NTMT1: variants seen among roughly 807,000 people sequenced by gnomAD.
NTMT1 encodes the protein N-terminal Xaa-Pro-Lys N-methyltransferase 1, also known as N-terminal RCC1 methyltransferase.
In NTMT1, 8 loss-of-function variants were observed where a neutral mutation model predicts 17.5. The observed-to-expected ratio is 0.46, with a 90% confidence interval of 0.27 to 0.82. The LOEUF (loss-of-function observed/expected upper bound fraction) is 0.82. Among genes scored for constraint, NTMT1 ranks in the 40% least tolerant of loss-of-function variants. The pLI is 0.15. For synonymous variants in NTMT1, 128 were observed against 126.8 expected, an observed-to-expected ratio of 1.01 and a Z score of -0.06; for missense variants, 221 against 303.5, an observed-to-expected ratio of 0.73 and a Z score of 2.02.
intron 1 of NTMT1, among the ~76,000 whole-genome samples, chr9:129,630,676 G>A (rs1831115933): frequency 6.6e-6 from 1 of 152,202 alleles, no homozygotes; most frequent in Middle Eastern, 3.2e-3. Context: ...TCAGGCAGAC[G>A]GTCTTGGACC....
At chr9:129,635,170 G>C in intron 3 of NTMT1, 38 bp from the exon 4 acceptor site, 1 of 1,586,880 alleles carries the variant, frequency 6.3e-7, no homozygotes, top group Non-Finnish European at 8.5e-7. Flanking sequence ...ACATCCGCTT[G>C]CATGGTGCCC....
At chr9:129,631,858 TCTC>T (rs759994923) in intron 1 of NTMT1, among the ~76,000 whole-genome samples, 1 of 152,150 alleles carries the variant, frequency 6.6e-6, no homozygotes, top group Admixed American at 6.5e-5. Flanking sequence ...CACTGGCGCT[TCTC>T]CTCTGCAGCC....
rs887754435 is a variant in NTMT1, at chr9:129,619,942, G to T, written c.-55+10764G>T. On this transcript the variant is annotated intron_variant, in intron 1 of 3. Transcript: ENST00000372486. ...CTCAAGGACGGGTTGCGAGGGCTCT[G>T]AGATACTCAGCTAACATTAGCATCC... 1.1e-5 allele frequency: 16 copies of T among 1,492,296 alleles called. No homozygotes were observed. The South Asian group carries it at 1.8e-4, about 16-fold the overall frequency. 92.4% of individuals were successfully genotyped at this position (1,492,296 alleles called of 1,614,324 possible).
intron 1 of NTMT1, 127 bp from the exon 2 acceptor site, chr9:129,632,523 C>A: frequency 1.5e-6 from 1 of 651,040 alleles, no homozygotes. Context: ...ATTTGGGGAC[C>A]CTGGACTTCT....
chr9:129,609,731 C>G (rs1221104887), intron 1 of NTMT1, among the ~76,000 whole-genome samples: 1 of 152,138 alleles, frequency 6.6e-6, no homozygotes, highest in Non-Finnish European at 1.5e-5. Flanking sequence ...GCCTCGCTCC[C>G]TCTTCCTCAT....
chr9:129,622,856 C>G (rs1359719165), upstream of NTMT1, among the ~76,000 whole-genome samples: 1 of 152,012 alleles, frequency 6.6e-6, no homozygotes, highest in African/African-American at 2.4e-5. Flanking sequence ...GGTGAAACCC[C>G]GTCTCTACTA....
chr9:129,634,084 GC>G lies in NTMT1; in HGVS notation c.196del (p.Leu66TrpfsTer27). 6.2e-7 allele frequency: 1 copy of G among 1,614,070 alleles called. No individual in the cohort carries two copies. Among genetic ancestry groups the G allele is most frequent in the Non-Finnish European group, 8.5e-7 (1 of 1,179,948 alleles). Reference sequence around the variant, plus strand: ...CCCGAACAAGACAGGAACGTCCTGTGCCCTGGACTGTGGAGCTGGCATTGGG... The same window carrying G: ...CCCGAACAAGACAGGAACGTCCTGTGCCTGGACTGTGGAGCTGGCATTGGG... ...EGPNKTGTSC[A>X]LDCGAGIGRI... is the part of the protein sequence containing the mutation. On this transcript the variant is annotated frameshift_variant, in exon 3 of 4. Coordinates refer to ENST00000372483, the MANE Select transcript of NTMT1 (RefSeq NM_014064.4). LOFTEE classifies it high-confidence loss of function.
chr9:129,620,564 C>T lies in NTMT1; in HGVS notation c.-55+11386C>T, dbSNP rs749175607. ...GTCCTGGGCCCCTGGGCGAAGTCGA[C>T]GCCAGAACATGCTTGGCCCCGCACT... is the stretch of plus-strand genomic sequence containing the variant. On this transcript the variant is annotated intron_variant, in intron 1 of 3. Coordinates refer to the NTMT1 transcript ENST00000372486. This position sits in a 1 kb window ranked among gnomAD's most constrained non-coding sequence, Gnocchi z 5.8. The T allele has an allele frequency of 3.6e-6, 5 of 1,373,874 alleles. No homozygotes were observed. The highest frequency in any genetic ancestry group is 1.7e-5 in the South Asian group (1 of 57,494). The allele number at this position is 1,373,874 out of a possible 1,614,324, so 85.1% of individuals were successfully genotyped here. A position where few individuals can be genotyped will look rare whatever the true frequency, so the allele number is the denominator to read the frequency against.
upstream of NTMT1, among the ~76,000 whole-genome samples, chr9:129,622,052 GC>G (rs1398513071): frequency 6.6e-6 from 1 of 152,200 alleles, no homozygotes; most frequent in Non-Finnish European, 1.5e-5. Context: ...TGCCCTGGAT[GC>G]CCTGGCCGCA....
chr9:129,612,737 G>A (rs545976897), intron 1 of NTMT1, among the ~76,000 whole-genome samples: 3 of 152,318 alleles, frequency 2.0e-5, no homozygotes, highest in African/African-American at 7.2e-5. Context: ...AATTAGCTGG[G>A]TGTGGTGGTG....
chr9:129,631,553 C>T (rs981490122), intron 1 of NTMT1, among the ~76,000 whole-genome samples: 1 of 152,214 alleles, frequency 6.6e-6, no homozygotes, highest in South Asian at 2.1e-4. Context: ...CCATCTCCAC[C>T]GCCGCCAGCA....
upstream of NTMT1, among the ~76,000 whole-genome samples, chr9:129,623,345 A>AGAAGGAAG (rs71385444): frequency 7.0e-6 from 1 of 142,714 alleles, no homozygotes; most frequent in Non-Finnish European, 1.5e-5. Context: ...AAAAAAAAAA[A>AGAAGGAAG]GAAGGAAGGA....
At chr9:129,631,342 C>T (rs1286757634) in intron 1 of NTMT1, among the ~76,000 whole-genome samples, 4 of 152,264 alleles carry the variant, frequency 2.6e-5, no homozygotes, top group Non-Finnish European at 5.9e-5. Context: ...ACTAGAACAG[C>T]CCCTAAGCGT....
chr9:129,634,015 C>A, intron 2 of NTMT1, 39 bp from the exon 3 acceptor site: 2 of 1,591,606 alleles, frequency 1.3e-6, no homozygotes, highest in Non-Finnish European at 1.7e-6. Context: ...CGTGCGGTGA[C>A]AGGGTCCCTC....
intron 1 of NTMT1, among the ~76,000 whole-genome samples, chr9:129,610,185 G>A (rs1456945188): frequency 1.6e-5 from 2 of 126,786 alleles, no homozygotes; most frequent in African/African-American, 6.1e-5. Context: ...GAGCCACAGG[G>A]GAGGGGGGAG....
intron 3 of NTMT1, chr9:129,634,971 CCGT>C (rs1234905885): frequency 1.2e-4 from 63 of 544,642 alleles, no homozygotes; most frequent in Non-Finnish European, 5.5e-5. Flanking sequence ...GTAAGCCATC[CCGT>C]CAAGTCAAAT....
chr9:129,613,512 C>T lies in NTMT1; in HGVS notation c.-55+4334C>T. 6.2e-7 allele frequency: 1 copy of T among 1,614,210 alleles called. No individual in the cohort carries two copies. The highest frequency in any genetic ancestry group is 1.3e-5 in the African/African-American group (1 of 75,060). ...CAGGGTACAGGGCTTTGGGCAAACT[C>T]TCCAGCCGTTTTCCGACACTCCCAA... On this transcript the variant is annotated intron_variant, in intron 1 of 3. Coordinates refer to the NTMT1 transcript ENST00000372486. This position sits in a 1 kb window ranked among gnomAD's most constrained non-coding sequence, Gnocchi z 6.2.
Position 129,635,325 on chromosome 9 carries a change from A to G in NTMT1, c.533A>G (p.Asp178Gly), listed in dbSNP as rs1831479385. The G allele has an allele frequency of 1.2e-6, 2 of 1,613,856 alleles. No individual in the cohort carries two copies. The highest frequency in any genetic ancestry group is 2.2e-5 in the East Asian group (1 of 44,878). Residue 178 changes from aspartate (D) to glycine (G), a missense_variant, in exon 4 of 4, where the codon GAC becomes GGC. By Grantham distance (94) the Asp-to-Gly change is moderately conservative. Transcript: ENST00000372483. ...GCCCAGGAGGGCGTGATTCTGGACG[A>G]CGTGGACAGCAGCGTGTGCCGGGAC... ...NMAQEGVILD[D>G]VDSSVCRDLD...
chr9:129,618,677 A>ATTTAT (rs912479658), intron 1 of NTMT1, among the ~76,000 whole-genome samples: 7 of 150,716 alleles, frequency 4.6e-5, no homozygotes, highest in Non-Finnish European at 7.4e-5. Flanking sequence ...TTTATTTTTT[A>ATTTAT]TTTATTTTAT....
Sources: gnomAD v4.1 joint callset for allele counts (sites outside exome capture counted in the v4.1 genomes callset) on GRCh38, gnomAD v4.1.1 for gene constraint, Gnocchi (gnomAD v3.1) non-coding constraint, MANE v1.5 for transcripts, NCBI Gene and HGNC (gene_info 2026-07-23, HGNC 2026-07-21) for gene names.